Variants in MDGA2 observed in about 807,000 individuals in gnomAD.
MDGA2 encodes the protein MAM domain-containing glycosylphosphatidylinositol anchor protein 2.
Under a neutral mutation model 117.8 loss-of-function variants are expected in MDGA2, and 40 were observed. That is an observed-to-expected ratio of 0.34 (90% CI 0.26 to 0.44). MDGA2 has a LOEUF of 0.44. Ranked by LOEUF, MDGA2 falls within the 20% of genes least tolerant of loss-of-function variation. MDGA2 has a pLI of 1.00. For missense variants in MDGA2, 1,123 were observed against 1,250.6 expected (o/e 0.90, Z 1.54); for synonymous variants, 452 against 439.0 (o/e 1.03, Z -0.37).
intron 10 of MDGA2, among the ~76,000 whole-genome samples, chr14:46,907,853 A>G (rs776947815): frequency 5.3e-5 from 8 of 152,168 alleles, no homozygotes; most frequent in African/African-American, 7.2e-5. Context: ...CTTCCTAAAT[A>G]AAAAGGAAAG....
intron 6 of MDGA2, among the ~76,000 whole-genome samples, chr14:47,091,480 G>C (rs967757646): frequency 3.3e-5 from 5 of 152,100 alleles, no homozygotes; most frequent in African/African-American, 4.8e-5. Flanking sequence ...GGGAATCAGA[G>C]AAGGTGTTTA....
At chr14:47,481,440 T>G (rs1451041777) in intron 1 of MDGA2, among the ~76,000 whole-genome samples, 1 of 151,984 alleles carries the variant, frequency 6.6e-6, no homozygotes, top group Non-Finnish European at 1.5e-5. Context: ...AACATATTAA[T>G]AGCGAAGAGG....
chr14:47,364,463 A>G (rs946853898), intron 1 of MDGA2, among the ~76,000 whole-genome samples: 4 of 152,032 alleles, frequency 2.6e-5, no homozygotes, highest in African/African-American at 9.7e-5. Flanking sequence ...ACGGGGTTTC[A>G]CCGTGTTAGC....
intron 5 of MDGA2, among the ~76,000 whole-genome samples, chr14:47,127,228 C>A (rs1029698555): frequency 6.6e-6 from 1 of 152,052 alleles, no homozygotes; most frequent in African/African-American, 2.4e-5. Flanking sequence ...CAGTAAGAAT[C>A]ACTAGGAGCA....
At chr14:47,466,457 TGA>T (rs1456194817) in intron 1 of MDGA2, among the ~76,000 whole-genome samples, 1 of 152,122 alleles carries the variant, frequency 6.6e-6, no homozygotes, top group Non-Finnish European at 1.5e-5. Flanking sequence ...GATAAGCAGA[TGA>T]GAGAGACAGG....
intron 1 of MDGA2, among the ~76,000 whole-genome samples, chr14:47,543,374 A>C (rs1950396): frequency 0.79 from 120,727 of 152,028 alleles, 48,254 homozygotes; most frequent in East Asian, 1. Flanking sequence ...CAACATCAGG[A>C]ACGGAGTTCA....
intron 3 of MDGA2, among the ~76,000 whole-genome samples, chr14:47,203,835 C>T (rs1353859276): frequency 6.6e-6 from 1 of 151,564 alleles, no homozygotes; most frequent in Non-Finnish European, 1.5e-5. Context: ...AGTTAAAACC[C>T]GCAATATGGT....
intron 1 of MDGA2, among the ~76,000 whole-genome samples, chr14:47,427,401 G>A (rs1173438686): frequency 2.6e-5 from 4 of 152,094 alleles, no homozygotes; most frequent in Admixed American, 6.6e-5. Context: ...CAAATGCCAC[G>A]GTTTGCAGAT....
intron 15 of MDGA2, among the ~76,000 whole-genome samples, chr14:46,851,199 A>T (rs1881042419): frequency 6.6e-6 from 1 of 151,822 alleles, no homozygotes; most frequent in African/African-American, 2.4e-5. Context: ...TTTCTCTTAA[A>T]CTAAGAAAAC....
intron 1 of MDGA2, among the ~76,000 whole-genome samples, chr14:47,657,288 A>G (rs1198201777): frequency 6.6e-6 from 1 of 152,196 alleles, no homozygotes; most frequent in Non-Finnish European, 1.5e-5. Context: ...ACAGAGCAAT[A>G]GCAATTGGAA....
chr14:47,394,994 A>T (rs1256172555), intron 1 of MDGA2, among the ~76,000 whole-genome samples: 2 of 152,080 alleles, frequency 1.3e-5, no homozygotes, highest in Admixed American at 6.6e-5. Context: ...CTCTGCAAAA[A>T]AATTTTAAAA....
chr14:47,458,299 T>C (rs1327188782), intron 1 of MDGA2, among the ~76,000 whole-genome samples: 1 of 152,206 alleles, frequency 6.6e-6, no homozygotes, highest in East Asian at 1.9e-4. Context: ...TTGTTCCACT[T>C]ACATTTTTGC....
At position 47,419,122 on chromosome 14, in the gene MDGA2, T is replaced by C. The variant is rs111446430; in HGVS notation, c.281-117572A>G. Among the ~76,000 whole-genome samples the C allele has an allele frequency of 3.6e-3, 543 of 152,246 alleles. 7 individuals are homozygous for C. Among genetic ancestry groups the C allele is most frequent in the African/African-American group, 0.012 (507 of 41,552 alleles). On this transcript the variant is annotated intron_variant, in intron 1 of 16. Transcript: ENST00000399232. ...ATATCAGTTATCCATCTGCCAGTGG[T>C]TGAACTAGATTTTAAGTTGATACTT...
intron 8 of MDGA2, among the ~76,000 whole-genome samples, chr14:46,973,683 G>A (rs1406631583): frequency 1.3e-5 from 2 of 152,056 alleles, no homozygotes; most frequent in African/African-American, 2.4e-5. Context: ...AGCTAAAGAC[G>A]TTTCAGGTAC....
chr14:47,606,014 C>T (rs1161728741), intron 1 of MDGA2, among the ~76,000 whole-genome samples: 1 of 152,104 alleles, frequency 6.6e-6, no homozygotes, highest in East Asian at 1.9e-4. Flanking sequence ...TCTAATGGTG[C>T]CTGTTGCCCA....
At chr14:47,253,824 C>T (rs747534470) in intron 2 of MDGA2, among the ~76,000 whole-genome samples, 6 of 152,226 alleles carry the variant, frequency 3.9e-5, no homozygotes, top group Non-Finnish European at 8.8e-5. Flanking sequence ...GAGGGCTCTG[C>T]CCCTGCAGCC....
At chr14:47,577,201 ATGG>A (rs1005710231) in intron 1 of MDGA2, among the ~76,000 whole-genome samples, 4 of 152,126 alleles carry the variant, frequency 2.6e-5, no homozygotes, top group Non-Finnish European at 4.4e-5. Context: ...TATTTAATAA[ATGG>A]TGCTGGGAAA....
chr14:47,241,771 G>T (rs1887049886), intron 2 of MDGA2, among the ~76,000 whole-genome samples: 1 of 151,488 alleles, frequency 6.6e-6, no homozygotes, highest in African/African-American at 2.4e-5. Context: ...TTCCACTGAG[G>T]TAAAAAAAAA....
chr14:46,985,675 G>A (rs909639044), intron 8 of MDGA2, among the ~76,000 whole-genome samples: 1 of 152,188 alleles, frequency 6.6e-6, no homozygotes, highest in Non-Finnish European at 1.5e-5. Flanking sequence ...TGCTTGAATG[G>A]TTTACTGTGG....
Sources: allele counts gnomAD v4.1 joint callset (sites outside exome capture counted in the v4.1 genomes callset), GRCh38; gene constraint gnomAD v4.1.1; transcripts MANE v1.5; gene names NCBI Gene and HGNC (gene_info 2026-07-23, HGNC 2026-07-21).